The following MCCC1 variants were observed in gnomAD, a reference collection of about 807,000 sequenced individuals.
MCCC1 encodes methylcrotonyl-CoA carboxylase subunit 1, also known as methylcrotonoyl-CoA carboxylase subunit alpha, mitochondrial.
A neutral mutation model predicts 83.8 loss-of-function variants in MCCC1; 64 were observed. The ratio of observed to expected loss-of-function variants is 0.76; its 90% confidence interval spans 0.62 to 0.94. MCCC1 has a LOEUF of 0.94. Ranked by LOEUF, MCCC1 falls within the 40% of genes least tolerant of loss-of-function variation. The pLI is 0.00. For synonymous variants in MCCC1, 322 were observed against 315.4 expected (o/e 1.02, Z -0.22); for missense variants, 807 against 904.7 (o/e 0.89, Z 1.39).
chr3:183,088,210 G>T (rs66468736), intron 3 of MCCC1, among the ~76,000 whole-genome samples: 74,160 of 139,548 alleles, frequency 0.53, 22,845 homozygotes, highest in Non-Finnish European at 0.72. Flanking sequence ...GTTGTTGTGT[G>T]TTTTTTTTTT....
intron 9 of MCCC1, among the ~76,000 whole-genome samples, chr3:183,051,161 T>G (rs1269935372): frequency 1.3e-5 from 2 of 152,186 alleles, no homozygotes; most frequent in African/African-American, 2.4e-5. Flanking sequence ...AGTAGCACGC[T>G]CCTTAGTATT....
intron 9 of MCCC1, among the ~76,000 whole-genome samples, chr3:183,049,803 C>T (rs892696037): frequency 1.1e-4 from 16 of 152,154 alleles, no homozygotes; most frequent in Non-Finnish European, 7.4e-5. Flanking sequence ...AAGACACAAT[C>T]TGTCAAAACT....
intron 14 of MCCC1, among the ~76,000 whole-genome samples, chr3:183,029,554 T>C (rs368559105): frequency 9.9e-4 from 151 of 152,330 alleles, no homozygotes; most frequent in Non-Finnish European, 1.8e-3. Context: ...CAGTTTCCAC[T>C]GCTGGGTTCT....
chr3:183,112,478 A>C (rs567996460), intron 1 of MCCC1, among the ~76,000 whole-genome samples: 5 of 152,054 alleles, frequency 3.3e-5, no homozygotes, highest in South Asian at 2.1e-4. Context: ...TCTCTCATGC[A>C]TATGAGTTTT....
intron 1 of MCCC1, among the ~76,000 whole-genome samples, chr3:183,104,784 CAT>C (rs1333168143): frequency 1.3e-5 from 2 of 152,242 alleles, no homozygotes; most frequent in East Asian, 1.9e-4. Context: ...TAGCAGATAA[CAT>C]AAAGTTTAGC....
intron 1 of MCCC1, chr3:183,099,112 C>A: frequency 1.7e-6 from 1 of 595,062 alleles, no homozygotes; most frequent in Non-Finnish European, 3.0e-6. Context: ...AATGGAAAAA[C>A]AGAAGCCAAA....
At chr3:183,077,272 G>A (rs73053923) in intron 4 of MCCC1, among the ~76,000 whole-genome samples, 1 of 152,110 alleles carries the variant, frequency 6.6e-6, no homozygotes, top group Admixed American at 6.5e-5. Context: ...AGAGTTACTA[G>A]TTCATAAAGT....
intron 7 of MCCC1, among the ~76,000 whole-genome samples, chr3:183,067,582 G>C (rs1481468485): frequency 6.6e-6 from 1 of 152,168 alleles, no homozygotes; most frequent in Non-Finnish European, 1.5e-5. Context: ...AGTTGTTTTT[G>C]AGATTTCCTA....
chr3:183,095,604 A>G (rs1243065934), intron 1 of MCCC1, among the ~76,000 whole-genome samples: 1 of 152,122 alleles, frequency 6.6e-6, no homozygotes, highest in African/African-American at 2.4e-5. Context: ...AACTTTTAAA[A>G]GATTTTATTC....
At chr3:183,109,022 C>G (rs995615362) in intron 1 of MCCC1, among the ~76,000 whole-genome samples, 1 of 151,936 alleles carries the variant, frequency 6.6e-6, no homozygotes, top group Non-Finnish European at 1.5e-5. Context: ...TGGAGTTTTC[C>G]TCTTTGTTGC....
rs369093706 is a variant in MCCC1 at position 183,048,311 on chromosome 3, G to A, written c.956-2771C>T. On this transcript the variant is annotated intron_variant, in intron 9 of 18. Coordinates refer to ENST00000265594, the MANE Select transcript of MCCC1 (RefSeq NM_020166.5). ...ATTAATAATCACTTTAAATGTTGAT[G>A]TCTAAATATACCAATTAAAAGACAG... 2.0e-4 allele frequency among the ~76,000 whole-genome samples: 30 copies of A among 152,280 alleles called. No individual in the cohort carries two copies. The South Asian group carries it at 2.1e-3, about 11-fold the overall frequency.
At chr3:183,053,935 T>C (rs1288450921) in intron 8 of MCCC1, among the ~76,000 whole-genome samples, 3 of 144,684 alleles carry the variant, frequency 2.1e-5, no homozygotes, top group Non-Finnish European at 3.0e-5. Context: ...TGGAGTGCAG[T>C]GGTATGATCT....
chr3:183,050,502 A>C (rs1467436661), intron 9 of MCCC1, among the ~76,000 whole-genome samples: 1 of 152,078 alleles, frequency 6.6e-6, no homozygotes, highest in African/African-American at 2.4e-5. Context: ...CAAGAGTTTG[A>C]GATCAGCCTG....
In MCCC1 at chr3:183,092,306, C is replaced by T. The variant is rs1387871105; in HGVS notation, c.273+103G>A. The T allele has an allele frequency of 5.4e-6, 8 of 1,471,124 alleles. No homozygotes were observed. The Admixed American group carries it at 8.6e-5, about 16-fold the overall frequency. 91.1% of individuals were successfully genotyped at this position (1,471,124 alleles called of 1,614,324 possible). Reference sequence around the variant, plus strand: ...AGCAGTTTGAACTTACCTACTTCAACCCTGATAACACTAGCAAATATCAAC... The same window carrying T: ...AGCAGTTTGAACTTACCTACTTCAATCCTGATAACACTAGCAAATATCAAC... On this transcript the variant is annotated intron_variant, in intron 3 of 18. Transcript: ENST00000265594.
chr3:183,086,710 T>A lies in MCCC1; in HGVS notation c.352A>T (p.Lys118Ter). The A allele has an allele frequency of 6.2e-7, 1 of 1,614,182 alleles. No individual in the cohort carries two copies. The highest frequency in any genetic ancestry group is 8.5e-7 in the Non-Finnish European group (1 of 1,180,022). ...ACCCTCACCTGTGCAGCAGAGGTCT[T>A]GGCCACTTGAATGATTTTCTCCATA... ...LSMEKIIQVA[K>*]TSAAQAIHPG... Residue 118 changes from lysine (K) to a stop codon, truncating the protein, a stop_gained, in exon 4 of 19, where the codon AAG becomes TAG. Transcript: ENST00000265594. LOFTEE classifies it high-confidence loss of function.
At chr3:183,066,754 G>T (rs1466711268) in intron 7 of MCCC1, among the ~76,000 whole-genome samples, 1 of 152,230 alleles carries the variant, frequency 6.6e-6, no homozygotes, top group East Asian at 1.9e-4. Context: ...AGCAAAACAG[G>T]AGTTAACTGT....
chr3:183,106,482 T>TTTTCTTTC (rs144890143), intron 1 of MCCC1, among the ~76,000 whole-genome samples: 1,853 of 147,054 alleles, frequency 0.013, 24 homozygotes, highest in South Asian at 0.029. Context: ...TTCTTTGTTC[T>TTTTCTTTC]TTTCTTTCTT....
At chr3:183,093,182 C>T (rs1718493721) in intron 2 of MCCC1, among the ~76,000 whole-genome samples, 1 of 152,180 alleles carries the variant, frequency 6.6e-6, no homozygotes, top group African/African-American at 2.4e-5. Context: ...GTGTGAGCCA[C>T]CACACCCGGC....
rs1473779393 is a variant in MCCC1 at position 183,057,440 on chromosome 3, T to C, written c.762-18A>G. The C allele has an allele frequency of 1.9e-6, 3 of 1,553,814 alleles. No homozygotes were observed. The highest frequency in any genetic ancestry group is 1.8e-5 in the Admixed American group (1 of 56,362). ...CTACATGCCTATATAAAAGCAAACA[T>C]GTATGTTAATATATTTGTTAGGGGT... On this transcript the variant is annotated intron_variant, in intron 7 of 18. Coordinates refer to ENST00000265594, the MANE Select transcript of MCCC1 (RefSeq NM_020166.5).
Sources: gnomAD v4.1 joint callset for allele counts (sites outside exome capture counted in the v4.1 genomes callset) on GRCh38, gnomAD v4.1.1 for gene constraint, MANE v1.5 for transcripts, NCBI Gene and HGNC (gene_info 2026-07-23, HGNC 2026-07-21) for gene names.